Variants in PPEF1 observed in about 807,000 individuals in gnomAD.
PPEF1 encodes the protein serine/threonine-protein phosphatase with EF-hands 1.
In PPEF1, 12 loss-of-function variants were observed where a neutral mutation model predicts 53.3. The ratio of observed to expected loss-of-function variants is 0.23; its 90% CI spans 0.14 to 0.36. The LOEUF (loss-of-function observed/expected upper bound fraction) is 0.36, where lower values mean the gene tolerates loss of function less well. Among genes scored for constraint, PPEF1 ranks in the 10% least tolerant of loss-of-function variants. The probability of loss-of-function intolerance (pLI) is 1.00; values close to 1 mark genes in which losing one functional copy is unlikely to be tolerated. For synonymous variants in PPEF1, 165 were observed against 176.7 expected (o/e 0.93, Z 0.52); for missense variants, 334 against 490.4 (o/e 0.68, Z 3.01).
At chrX:18,680,515 G>A (rs573660908), upstream of PPEF1, among the ~76,000 whole-genome samples, 5 of 97,239 alleles carry the variant, frequency 5.1e-5, no homozygotes, top group South Asian at 2.6e-3. Context: ...TGCAACCTCC[G>A]CCTCCTGGGT....
intron 1 of PPEF1, among the ~76,000 whole-genome samples, chrX:18,722,284 G>A (rs2044605380): frequency 8.9e-6 from 1 of 112,198 alleles, no homozygotes; most frequent in Non-Finnish European, 1.9e-5. Context: ...TGCTATTAGA[G>A]GATTCATTTT....
At position 18,790,723 on chromosome X, in the gene PPEF1, A is replaced by G. The variant is rs187045476; in HGVS notation, c.1065+1450A>G. Among the ~76,000 whole-genome samples, 23 of 109,459 alleles carry G rather than the reference A, an allele frequency of 2.1e-4. No individual in the cohort carries two copies. The East Asian group carries it at 5.2e-3, about 25-fold the overall frequency. ...ATTTTTTTTTTCTTTTTTTTGAGACAGAGTCTCGCTCTGTTACCCAGGCTG... is the reference window on the plus strand; with the variant it reads ...ATTTTTTTTTTCTTTTTTTTGAGACGGAGTCTCGCTCTGTTACCCAGGCTG... On this transcript the variant is annotated intron_variant, in intron 10 of 15. Coordinates refer to ENST00000470157, the MANE Select transcript of PPEF1 (RefSeq NM_001377996.1).
At chrX:18,691,528 C>T (rs191144110) in intron 4 of PPEF1, 1 of 111,706 alleles carries the variant, frequency 9.0e-6, no homozygotes, top group East Asian at 2.8e-4. Context: ...ATTCCCAGTG[C>T]TTTAACATGA....
chrX:18,705,545 G>A (rs1283051916), upstream of PPEF1, among the ~76,000 whole-genome samples: 1 of 111,118 alleles, frequency 9.0e-6, no homozygotes. Context: ...GAGACCCCAT[G>A]TCTACAAAAA....
chrX:18,765,940 C>G (rs2045756455), intron 6 of PPEF1, among the ~76,000 whole-genome samples: 5 of 107,610 alleles, frequency 4.6e-5, no homozygotes, highest in Admixed American at 4.0e-4. Context: ...TGGTGCGTGC[C>G]TGTAGTCCCA....
chrX:18,801,444 G>C (rs16980880), intron 10 of PPEF1, among the ~76,000 whole-genome samples: 5,120 of 111,661 alleles, frequency 0.046, 287 homozygotes, highest in African/African-American at 0.16. Context: ...CTGATTTGGA[G>C]CCACTAGAAT....
At chrX:18,681,204 C>T (rs1928873588), upstream of PPEF1, among the ~76,000 whole-genome samples, 1 of 111,854 alleles carries the variant, frequency 8.9e-6, no homozygotes, top group Admixed American at 9.5e-5. Flanking sequence ...GTCTTGATCT[C>T]TTGACCTCGT....
At chrX:18,715,295 G>C (rs1436513493) in intron 1 of PPEF1, among the ~76,000 whole-genome samples, 1 of 111,484 alleles carries the variant, frequency 9.0e-6, no homozygotes, top group African/African-American at 3.3e-5. Flanking sequence ...ACTTTGAGAG[G>C]CTGAGGTGGG....
At chrX:18,738,960 G>A (rs746298730) in intron 3 of PPEF1, among the ~76,000 whole-genome samples, 44 of 112,294 alleles carry the variant, frequency 3.9e-4, no homozygotes, top group African/African-American at 1.1e-3. Flanking sequence ...TTCTCGTGCC[G>A]TGGTTTTCAG....
intron 3 of PPEF1, among the ~76,000 whole-genome samples, chrX:18,747,630 C>T (rs1332822391): frequency 8.9e-6 from 1 of 111,828 alleles, no homozygotes. Context: ...CGCCACTATG[C>T]CCAGCTAGTT....
intron 4 of PPEF1, among the ~76,000 whole-genome samples, chrX:18,752,939 A>G (rs1043424424): frequency 9.0e-6 from 1 of 111,497 alleles, no homozygotes; most frequent in Admixed American, 9.6e-5. Context: ...CTATTTCATA[A>G]GGGATATTGG....
chrX:18,759,496 A>G (rs1405257746), intron 5 of PPEF1, among the ~76,000 whole-genome samples: 1 of 111,815 alleles, frequency 8.9e-6, no homozygotes, highest in East Asian at 2.8e-4. Context: ...CTACAGTTAT[A>G]TTATAAATGA....
chrX:18,743,446 C>CTTTTTTTTTTTTTTTTTTTTTT (rs72264344), intron 3 of PPEF1, among the ~76,000 whole-genome samples: 42 of 59,328 alleles, frequency 7.1e-4, no homozygotes, highest in African/African-American at 2.9e-3. Flanking sequence ...TTCTCTTTTT[C>CTTTTTTTTTTTTTTTTTTTTTT]TTTTTTTTTT....
At chrX:18,712,171 GAATC>G (rs2044346107) in intron 1 of PPEF1, among the ~76,000 whole-genome samples, 1 of 111,661 alleles carries the variant, frequency 9.0e-6, no homozygotes, top group African/African-American at 3.3e-5. Context: ...ATGAATTTTA[GAATC>G]AATGTGTCAG....
At chrX:18,826,417 C>CTTTTCTT (rs2047165308) in intron 15 of PPEF1, among the ~76,000 whole-genome samples, 1 of 24,626 alleles carries the variant, frequency 4.1e-5, no homozygotes, top group Admixed American at 7.1e-4. Flanking sequence ...TCATTTTCTG[C>CTTTTCTT]TTTTTTTTTT....
At chrX:18,734,006 T>C (rs143236315) in intron 3 of PPEF1, among the ~76,000 whole-genome samples, 198 bp downstream of exon 3, 120 of 111,652 alleles carry the variant, frequency 1.1e-3, no homozygotes, top group African/African-American at 3.7e-3. Context: ...ACTAAATCAA[T>C]CATTTAACTT....
At chrX:18,782,993 A>T (rs1236355037) in intron 8 of PPEF1, among the ~76,000 whole-genome samples, 1 of 108,277 alleles carries the variant, frequency 9.2e-6, no homozygotes, top group African/African-American at 3.4e-5. Flanking sequence ...TGCTCCTGTA[A>T]TCCCAGCTAC....
At chrX:18,788,134 G>A (rs1047003831) in intron 9 of PPEF1, among the ~76,000 whole-genome samples, 1 of 110,031 alleles carries the variant, frequency 9.1e-6, no homozygotes, top group Non-Finnish European at 1.9e-5. Context: ...GGCTAACACG[G>A]TGACACCCCG....
chrX:18,732,264 A>T (rs2044855804), intron 2 of PPEF1, among the ~76,000 whole-genome samples: 1 of 112,689 alleles, frequency 8.9e-6, no homozygotes, highest in African/African-American at 3.2e-5. Context: ...TCCTCAGGTG[A>T]TGGATCATTT....
Sources: allele counts gnomAD v4.1 joint callset (sites outside exome capture counted in the v4.1 genomes callset), GRCh38; gene constraint gnomAD v4.1.1; transcripts MANE v1.5; gene names NCBI Gene and HGNC (gene_info 2026-07-23, HGNC 2026-07-21).